Variants in DHX16 observed in about 807,000 individuals in gnomAD.
DHX16 encodes DEAH-box helicase 16.
A neutral mutation model predicts 131.2 loss-of-function variants in DHX16; 81 were observed. That is an observed-to-expected ratio of 0.62 (90% CI 0.52 to 0.74). DHX16 has a LOEUF of 0.74. Ranked by LOEUF, DHX16 falls within the 30% of genes least tolerant of loss-of-function variation. The pLI is 0.00. For missense variants in DHX16, 980 were observed against 1,363.1 expected (o/e 0.72, Z 4.43); for synonymous variants, 440 against 520.2 (o/e 0.85, Z 2.10).
At chr6:30,655,069 G>A (rs998575255) in intron 18 of DHX16, 106 bp downstream of exon 18, 1 of 1,496,830 alleles carries the variant, frequency 6.7e-7, no homozygotes, top group Non-Finnish European at 9.2e-7. Flanking sequence ...TACACAAGGG[G>A]AAGAGGGCAT....
chr6:30,659,717 T>C lies in DHX16; in HGVS notation c.1854+19A>G. The C allele has an allele frequency of 6.2e-7, 1 of 1,613,450 alleles. No individual in the cohort carries two copies. The highest frequency in any genetic ancestry group is 1.1e-5 in the South Asian group (1 of 91,022). On this transcript the variant is annotated intron_variant, in intron 11 of 19. Coordinates refer to ENST00000376442, the MANE Select transcript of DHX16 (RefSeq NM_003587.5). ...TTCCCCTGGGATACATCATCCCCTC[T>C]CCCCACCATGTCAGGCACCTGTCCT...
At position 30,659,639 on chromosome 6, in the gene DHX16, G is replaced by C; in HGVS notation, c.1855-15C>G. On this transcript the variant is annotated splice_polypyrimidine_tract_variant and intron_variant, in intron 11 of 19. Transcript: ENST00000376442. ...TCAATCTCCTCCTGGATAGAGGGTA[G>C]GGAGAGCAGCAGGGGTCCCAGAGTC... 2 of 1,614,018 alleles carry C rather than the reference G, an allele frequency of 1.2e-6. No homozygotes were observed. The highest frequency in any genetic ancestry group is 1.7e-6 in the Non-Finnish European group (2 of 1,179,948).
At position 30,665,250 on chromosome 6, in the gene DHX16, C is replaced by G. The variant is rs1224827087; in HGVS notation, c.946G>C (p.Glu316Gln). The G allele has an allele frequency of 1.2e-6, 2 of 1,604,232 alleles. No homozygotes were observed. Among genetic ancestry groups the G allele is most frequent in the East Asian group, 2.2e-5 (1 of 44,876 alleles). Residue 316 changes from glutamate to glutamine, a missense_variant, in exon 6 of 20, where the codon GAG (glutamate) becomes CAG (glutamine). Physicochemically the swap from Glu to Gln is conservative, Grantham distance 29. Coordinates refer to ENST00000376442, the MANE Select transcript of DHX16 (RefSeq NM_003587.5). The surrounding 1 kb of genome is among the most constrained non-coding windows in gnomAD (Gnocchi z 4.8). ...TCCCCAGGGGCTCCTGATTCCTCCTCCACTAGATCCACAGCTCGGGCTGGC... is the reference window on the plus strand; with the variant it reads ...TCCCCAGGGGCTCCTGATTCCTCCTGCACTAGATCCACAGCTCGGGCTGGC... ...GQPARAVDLV[E>Q]EESGAPGEEQ...
Position 30,665,134 on chromosome 6 carries a change from T to C in DHX16, c.1062A>G (p.Gln354=), listed in dbSNP as rs756121109. The C allele has an allele frequency of 2.5e-6, 4 of 1,613,840 alleles. No homozygotes were observed. In the African/African-American group the frequency reaches 5.3e-5, roughly 22 times the overall value. ...TGGTCTCCTCCTCCTCCAGCACCAGTTGATACTTGGGCTCCTGAGAGGCAG... is the reference window on the plus strand; with the variant it reads ...TGGTCTCCTCCTCCTCCAGCACCAGCTGATACTTGGGCTCCTGAGAGGCAG... ...RDAASQEPKY[Q]LVLEEEETIE... Residue 354 remains glutamine, a synonymous_variant, in exon 6 of 20, where the codon CAA becomes CAG. Transcript: ENST00000376442. The surrounding 1 kb of genome is among the most constrained non-coding windows in gnomAD (Gnocchi z 4.8).
In DHX16 at chr6:30,671,219, C is replaced by G; in HGVS notation, c.263G>C (p.Arg88Pro). 1.2e-6 allele frequency: 2 copies of G among 1,613,048 alleles called. No homozygotes were observed. The highest frequency in any genetic ancestry group is 1.7e-6 in the Non-Finnish European group (2 of 1,180,036). ...KPARAAEREA[R>P]ALLEKNRSYR... ...AGATCGGTTCTTCTCCAGCAGGGCC[C>G]GGGCCTCTCGCTCTGCTGCCCGAGC... Residue 88 changes from arginine (R) to proline (P), a missense_variant, in exon 2 of 20, where the codon CGG becomes CCG. Arg to Pro is a moderately radical substitution (Grantham distance 103). This residue lies in a region of DHX16 where 457 missense variants were observed against 554.8 expected (regional missense o/e 0.82). Transcript: ENST00000376442.
rs961534637 is a variant in DHX16, at chr6:30,667,309, G to A, written c.667-1576C>T. 3.3e-5 allele frequency among the ~76,000 whole-genome samples: 5 copies of A among 152,052 alleles called. No individual in the cohort carries two copies. In the East Asian group the frequency reaches 5.8e-4, roughly 18 times the overall value. On this transcript the variant is annotated intron_variant, in intron 4 of 19. Transcript: ENST00000376442. The stretch of plus-strand genomic sequence containing the variant: ...CAAAAAATCACCATTTCGGCCGGGC[G>A]CGGTGGCTCACGCCTGTAATCCCAG...
chr6:30,667,544 T>C (rs1769158833), intron 4 of DHX16, among the ~76,000 whole-genome samples: 1 of 148,330 alleles, frequency 6.7e-6, no homozygotes, highest in African/African-American at 2.5e-5. Flanking sequence ...ATCGCACCGT[T>C]GCACTCCAGC....
At chr6:30,657,328 T>G (rs1478934904) in intron 12 of DHX16, among the ~76,000 whole-genome samples, 1 of 130,136 alleles carries the variant, frequency 7.7e-6, no homozygotes, top group African/African-American at 2.9e-5. Flanking sequence ...GGATTTAGGG[T>G]TTTTTTTTTT....
intron 1 of DHX16, 58 bp from the exon 2 acceptor site, chr6:30,671,332 C>T: frequency 2.7e-6 from 4 of 1,490,730 alleles, no homozygotes; most frequent in Non-Finnish European, 3.7e-6. Flanking sequence ...TGCCCTCCCA[C>T]TTAGCTCTGT....
At position 30,656,488 on chromosome 6, in the gene DHX16, A is replaced by G; in HGVS notation, c.2333T>C (p.Phe778Ser). The change falls in exon 15 of 20, where the codon TTT becomes TCT. Residue 778 changes from phenylalanine to serine, a missense_variant. Transcript: ENST00000376442. The surrounding 1 kb of genome is among the most constrained non-coding windows in gnomAD (Gnocchi z 5.1). The part of the protein sequence containing the change: ...KSLGIHDLMH[F>S]DFLDPPPYET... ...ATATGGTGGAGGGTCCAGGAAATCA[A>G]AGTGCATTAGGTCATGGATCCCTAG... 1 of 1,614,160 alleles carries G rather than the reference A, an allele frequency of 6.2e-7. No homozygotes were observed. The highest frequency in any genetic ancestry group is 8.5e-7 in the Non-Finnish European group (1 of 1,180,020).
intron 7 of DHX16, 38 bp from the exon 8 acceptor site, chr6:30,663,059 CT>C (rs1768672741): frequency 6.7e-7 from 1 of 1,496,290 alleles, no homozygotes; most frequent in African/African-American, 1.4e-5. Context: ...TTGCCCTTTA[CT>C]AAATATGCAC....
chr6:30,659,391 T>C, intron 12 of DHX16, 81 bp downstream of exon 12: 1 of 1,455,842 alleles, frequency 6.9e-7, no homozygotes, highest in East Asian at 2.5e-5. Flanking sequence ...AGGACTCACC[T>C]TGCATGGGGC....
Position 30,670,228 on chromosome 6 carries a change from T to C in DHX16, c.666+182A>G, listed in dbSNP as rs1276658678. Among the ~76,000 whole-genome samples the C allele has an allele frequency of 6.6e-6, 1 of 152,136 alleles. No homozygotes were observed. Among genetic ancestry groups the C allele is most frequent in the African/African-American group, 2.4e-5 (1 of 41,418 alleles). On this transcript the variant is annotated intron_variant, in intron 4 of 19. Coordinates refer to ENST00000376442, the MANE Select transcript of DHX16 (RefSeq NM_003587.5). The surrounding 1 kb of genome is among the most constrained non-coding windows in gnomAD (Gnocchi z 4.4). ...TCCCCCTACAACTTAAGAAGGATCC[T>C]TCCCTCAACAACATAAGTCTATCCT...
In DHX16 at chr6:30,656,355, T is replaced by C. The variant is rs1767981538; in HGVS notation, c.2430+36A>G. 6 of 1,611,878 alleles carry C rather than the reference T, an allele frequency of 3.7e-6. No homozygotes were observed. The highest frequency in any genetic ancestry group is 1.3e-5 in the African/African-American group (1 of 74,852). ...GTCCCTGGAGCCATCCTGACCCCTA[T>C]CATCCTGCCTCCACCCATGCTGTCC... On this transcript the variant is annotated intron_variant, in intron 15 of 19. Transcript: ENST00000376442. The surrounding 1 kb of genome is among the most constrained non-coding windows in gnomAD (Gnocchi z 5.1).
chr6:30,666,684 T>C (rs1769071066), intron 4 of DHX16, among the ~76,000 whole-genome samples: 1 of 152,184 alleles, frequency 6.6e-6, no homozygotes, highest in South Asian at 2.1e-4. Context: ...AGTGGGCACC[T>C]GTAATCCCAG....
chr6:30,662,667 G>A lies in DHX16; in HGVS notation c.1504C>T (p.Leu502Phe), dbSNP rs17189232. Residue 502 changes from leucine to phenylalanine, a missense_variant, in exon 9 of 20, where the codon CTC (leucine) becomes TTC (phenylalanine). Leu to Phe is a conservative substitution (Grantham distance 22, BLOSUM62 0). Transcript: ENST00000376442. The surrounding 1 kb of genome is among the most constrained non-coding windows in gnomAD (Gnocchi z 4.7). ...VLRYMTDGML[L>F]REFLSEPDLA... ...TCAGGCTCAGAGAGGAACTCCCGGA[G>A]AAGCATCCCATCTGTCATGTAGCGG... 1.2e-6 allele frequency: 2 copies of A among 1,613,036 alleles called. No homozygotes were observed. The highest frequency in any genetic ancestry group is 2.7e-5 in the African/African-American group (2 of 74,954).
rs1768939840 is a variant in DHX16 at position 30,665,350 on chromosome 6, C to A, written c.922-76G>T. The A allele has an allele frequency of 1.3e-6, 2 of 1,587,936 alleles. No homozygotes were observed. The highest frequency in any genetic ancestry group is 8.6e-7 in the Non-Finnish European group (1 of 1,168,346). On this transcript the variant is annotated intron_variant, in intron 5 of 19. Coordinates refer to ENST00000376442, the MANE Select transcript of DHX16 (RefSeq NM_003587.5). This position sits in a 1 kb window ranked among gnomAD's most constrained non-coding sequence, Gnocchi z 4.8. Reference sequence around the variant, plus strand: ...CCCTCTCCCCTCTTCCCATTACTACCCCCGCCCACTGCCCATTGGGAACGG... The same window carrying A: ...CCCTCTCCCCTCTTCCCATTACTACACCCGCCCACTGCCCATTGGGAACGG...
At position 30,656,749 on chromosome 6, in the gene DHX16, T is replaced by C. The variant is rs377663318; in HGVS notation, c.2159A>G (p.Asn720Ser). ...TVTPCSKASA[N>S]QRAGRAGRVA... ...CCGACCTGCCCTGCCAGCTCGCTGA[T>C]TGGCTGAGGCCTGGAAAGAAAGGGG... is the stretch of plus-strand genomic sequence containing the variant. The change falls in exon 14 of 20, where the codon AAT becomes AGT. Residue 720 changes from asparagine to serine, a missense_variant. By Grantham distance (46) the Asn-to-Ser change is conservative. Coordinates refer to ENST00000376442, the MANE Select transcript of DHX16 (RefSeq NM_003587.5). The surrounding 1 kb of genome is among the most constrained non-coding windows in gnomAD (Gnocchi z 5.1). The C allele has an allele frequency of 2.0e-5, 32 of 1,612,424 alleles. No homozygotes were observed. In the African/African-American group the frequency reaches 2.9e-4, roughly 15 times the overall value.
chr6:30,671,142 C>T lies in DHX16; in HGVS notation c.340G>A (p.Ala114Thr). The change falls in exon 2 of 20, where the codon GCT becomes ACT. Residue 114 changes from alanine to threonine, a missense_variant. Physicochemically the swap from Ala to Thr is moderately conservative, Grantham distance 58. Coordinates refer to ENST00000376442, the MANE Select transcript of DHX16 (RefSeq NM_003587.5). ...CGTTTCTTCTGGAGGCTGCTTCCAG[C>T]CCTACTCACAGTCTCCTCACTGCTC... ...EESSEETVSR[A>T]GSSLQKKRKK... 6.2e-7 allele frequency: 1 copy of T among 1,613,094 alleles called. No individual in the cohort carries two copies. The highest frequency in any genetic ancestry group is 8.5e-7 in the Non-Finnish European group (1 of 1,180,020).
Sources: gnomAD v4.1 joint callset for allele counts (sites outside exome capture counted in the v4.1 genomes callset) on GRCh38, gnomAD v4.1.1 for gene constraint, gnomAD v4.1.1 regional missense constraint, Gnocchi (gnomAD v3.1) non-coding constraint, MANE v1.5 for transcripts, NCBI Gene and HGNC (gene_info 2026-07-23, HGNC 2026-07-21) for gene names.